Variants in SLC6A15 observed in about 807,000 individuals in gnomAD.
SLC6A15 encodes solute carrier family 6 member 15, also known as sodium-dependent neutral amino acid transporter B(0)AT2.
In SLC6A15, 33 loss-of-function variants were observed where a neutral mutation model predicts 68.5. The ratio of observed to expected loss-of-function variants is 0.48; its 90% confidence interval spans 0.37 to 0.64. The LOEUF (loss-of-function observed/expected upper bound fraction) is 0.64. Among genes scored for constraint, SLC6A15 ranks in the 30% least tolerant of loss-of-function variants. The pLI is 0.00. For missense variants in SLC6A15, 747 were observed against 874.3 expected (o/e 0.85, Z 1.84); for synonymous variants, 347 against 301.0 (o/e 1.15, Z -1.58).
rs1318668297 is a variant in SLC6A15 at position 84,884,052 on chromosome 12, A to G, written c.575-12T>C. On this transcript the variant is annotated splice_polypyrimidine_tract_variant and intron_variant, in intron 4 of 11. Coordinates refer to ENST00000266682, the MANE Select transcript of SLC6A15 (RefSeq NM_182767.6). ...TTCTGGTTCTACAACTGTAGAAAGAAAAGTAACACACAATTATTTCAGAAT... is the reference window on the plus strand; with the variant it reads ...TTCTGGTTCTACAACTGTAGAAAGAGAAGTAACACACAATTATTTCAGAAT... 1.3e-6 allele frequency: 2 copies of G among 1,595,020 alleles called. No individual in the cohort carries two copies. The highest frequency in any genetic ancestry group is 1.1e-5 in the South Asian group (1 of 90,298).
intron 5 of SLC6A15, chr12:84,883,476 A>C (rs1871925723): frequency 1.5e-5 from 18 of 1,196,640 alleles, no homozygotes; most frequent in Non-Finnish European, 1.9e-5. Flanking sequence ...ATATCAAACA[A>C]ACAAAATGAA....
intron 1 of SLC6A15, among the ~76,000 whole-genome samples, chr12:84,907,547 T>C (rs1483012372): frequency 6.6e-6 from 1 of 152,130 alleles, no homozygotes; most frequent in African/African-American, 2.4e-5. Context: ...CAAAATATAG[T>C]GACAACCAAA....
chr12:84,865,896 C>A (rs1357122490), intron 10 of SLC6A15, among the ~76,000 whole-genome samples: 1 of 152,056 alleles, frequency 6.6e-6, no homozygotes, highest in African/African-American at 2.4e-5. Flanking sequence ...GCTATAAACA[C>A]CCACGTGCAG....
intron 1 of SLC6A15, among the ~76,000 whole-genome samples, chr12:84,904,085 C>G (rs902013547): frequency 6.6e-6 from 1 of 151,872 alleles, no homozygotes; most frequent in Admixed American, 6.6e-5. Flanking sequence ...TATGCAAGTT[C>G]CAAGGCTATA....
intron 1 of SLC6A15, among the ~76,000 whole-genome samples, chr12:84,902,935 G>T (rs916003826): frequency 6.6e-6 from 1 of 151,980 alleles, no homozygotes; most frequent in Non-Finnish European, 1.5e-5. Context: ...TGTGGTAAGG[G>T]ATAGAAGAAG....
Position 84,870,163 on chromosome 12 carries a change from A to G in SLC6A15, c.1495+315T>C, listed in dbSNP as rs536643223. ...TGACTTGTATAAAAATTATACACAA[A>G]CAGTCCATGACTTTATTCTAGTGTC... On this transcript the variant is annotated intron_variant, in intron 9 of 11. Transcript: ENST00000266682. Among the ~76,000 whole-genome samples the G allele has an allele frequency of 2.0e-5, 3 of 151,434 alleles. 1 individual carries two copies. Among genetic ancestry groups the G allele is most frequent in the African/African-American group, 7.3e-5 (3 of 41,200 alleles).
Position 84,885,421 on chromosome 12 carries a change from T to C in SLC6A15, c.574+14A>G, listed in dbSNP as rs371488052. On this transcript the variant is annotated intron_variant, in intron 4 of 11. Coordinates refer to ENST00000266682, the MANE Select transcript of SLC6A15 (RefSeq NM_182767.6). ...ATGCTTAAATACCAAAACACTGTAT[T>C]ATACATATCTTACAAGTGTGTGAAG... 122 of 1,606,336 alleles carry C rather than the reference T, an allele frequency of 7.6e-5. No individual in the cohort carries two copies. The highest frequency in any genetic ancestry group is 1.0e-4 in the Non-Finnish European group (119 of 1,177,180).
intron 5 of SLC6A15, chr12:84,880,863 A>C (rs1463036365): frequency 2.1e-6 from 2 of 958,510 alleles, no homozygotes; most frequent in Non-Finnish European, 2.5e-6. Flanking sequence ...CATATGAAAA[A>C]TGTTTATTAT....
rs1242258131 is a variant in SLC6A15 at position 84,883,963 on chromosome 12, T to C, written c.652A>G (p.Ile218Val). The change falls in exon 5 of 12, where the codon ATT becomes GTT. Residue 218 changes from isoleucine (I) to valine (V), a missense_variant. Physicochemically the swap from Ile to Val is conservative, Grantham distance 29 (BLOSUM62 3). Transcript: ENST00000266682. ...CAGTTTAAGCCCCCACTTTCAGAAA[T>C]GGAACTTGAAATATTCAGTGCTTCC... ...YREALNISSS[I>V]SESGGLNWKM... 6.2e-7 allele frequency: 1 copy of C among 1,614,146 alleles called. No individual in the cohort carries two copies. The highest frequency in any genetic ancestry group is 8.5e-7 in the Non-Finnish European group (1 of 1,180,008).
At chr12:84,888,757 T>C (rs1872240817) in intron 2 of SLC6A15, among the ~76,000 whole-genome samples, 1 of 152,160 alleles carries the variant, frequency 6.6e-6, no homozygotes, top group African/African-American at 2.4e-5. Flanking sequence ...CTCCAAAATC[T>C]ATTGAAATAA....
At position 84,876,619 on chromosome 12, in the gene SLC6A15, TA is replaced by T. The variant is rs1471168949; in HGVS notation, c.757-13del. 7.6e-7 allele frequency: 1 copy of T among 1,309,528 alleles called. No individual in the cohort carries two copies. Among genetic ancestry groups the T allele is most frequent in the Admixed American group, 2.2e-5 (1 of 46,204 alleles). The allele number at this position is 1,309,528 out of a possible 1,614,324, so 81.1% of individuals were successfully genotyped here. ...CTAAAATATATGATCTGCAAAGAAA[TA>T]AAAATAAAAATAAGTGAGATACAAT... On this transcript the variant is annotated splice_polypyrimidine_tract_variant and intron_variant, in intron 5 of 11. Transcript: ENST00000266682.
intron 1 of SLC6A15, among the ~76,000 whole-genome samples, chr12:84,905,601 G>C (rs561730512): frequency 2.4e-4 from 37 of 152,122 alleles, no homozygotes; most frequent in Non-Finnish European, 4.4e-4. Context: ...AGTGTCCAAG[G>C]GACATTGTTG....
intron 5 of SLC6A15, chr12:84,882,049 G>A: frequency 1.0e-6 from 1 of 984,896 alleles, no homozygotes; most frequent in Non-Finnish European, 1.2e-6. Flanking sequence ...TACATGACAT[G>A]AGAAGAACAA....
At chr12:84,894,265 A>G (rs545496523) in intron 1 of SLC6A15, among the ~76,000 whole-genome samples, 3 of 152,302 alleles carry the variant, frequency 2.0e-5, no homozygotes, top group African/African-American at 7.2e-5. Context: ...AATTATCCAG[A>G]AAAAAGATTT....
rs1871334062 is a variant in SLC6A15, at chr12:84,872,595, T to C, written c.1302+7A>G. On this transcript the variant is annotated splice_region_variant and intron_variant, in intron 8 of 11. Coordinates refer to ENST00000266682, the MANE Select transcript of SLC6A15 (RefSeq NM_182767.6). The stretch of plus-strand genomic sequence containing the variant: ...ATTATTTTATTGCTCAAACATGGCT[T>C]ACTAACTTTATTTAGCTCTTCTTCA... 1 of 1,602,494 alleles carries C rather than the reference T, an allele frequency of 6.2e-7. No homozygotes were observed. The highest frequency in any genetic ancestry group is 1.7e-5 in the Admixed American group (1 of 59,066).
chr12:84,879,110 T>G (rs905161312), intron 5 of SLC6A15, among the ~76,000 whole-genome samples: 8 of 151,904 alleles, frequency 5.3e-5, no homozygotes, highest in Non-Finnish European at 1.2e-4. Flanking sequence ...ATCCTTCGTC[T>G]TCCACAAGCT....
intron 8 of SLC6A15, among the ~76,000 whole-genome samples, chr12:84,871,228 G>A (rs1258643064): frequency 1.3e-5 from 2 of 150,438 alleles, no homozygotes; most frequent in Non-Finnish European, 3.0e-5. Context: ...AACAGAATAA[G>A]TAGATTATAA....
chr12:84,863,664 G>T, intron 10 of SLC6A15, 63 bp from the exon 11 acceptor site: 1 of 1,212,076 alleles, frequency 8.3e-7, no homozygotes, highest in Non-Finnish European at 1.1e-6. Context: ...TAAAAAATGT[G>T]CATTATATTA....
In SLC6A15 at chr12:84,889,497, AAAAAATAAAAAT is replaced by A. The variant is rs534377256; in HGVS notation, c.289+2323_289+2334del. Among the ~76,000 whole-genome samples the A allele has an allele frequency of 3.8e-3, 555 of 146,948 alleles. 2 individuals are homozygous for A. The highest frequency in any genetic ancestry group is 9.6e-3 in the African/African-American group (372 of 38,852). ...CAAAAGAGCAAGACTCGGTCTCAGA[AAAAAATAAAAAT>A]AAAAATAAAAATAAAAATAAAAATA... is the stretch of plus-strand genomic sequence containing the variant. On this transcript the variant is annotated intron_variant, in intron 2 of 11. Coordinates refer to ENST00000266682, the MANE Select transcript of SLC6A15 (RefSeq NM_182767.6).
Sources: gnomAD v4.1 joint callset for allele counts (sites outside exome capture counted in the v4.1 genomes callset) on GRCh38, gnomAD v4.1.1 for gene constraint, MANE v1.5 for transcripts, NCBI Gene and HGNC (gene_info 2026-07-23, HGNC 2026-07-21) for gene names.